TEAD1: variants seen among roughly 807,000 people sequenced by gnomAD.
TEAD1 encodes transcriptional enhancer factor TEF-1.
A neutral mutation model predicts 54.9 loss-of-function variants in TEAD1; 9 were observed. The observed-to-expected ratio is 0.16, with a 90% CI of 0.10 to 0.29. The LOEUF is 0.29. TEAD1 is among the 10% of genes least tolerant of loss of function. The pLI is 1.00. For synonymous variants in TEAD1, 200 were observed against 187.8 expected (o/e 1.07, Z -0.53); for missense variants, 387 against 535.9 (o/e 0.72, Z 2.74).
chr11:12,909,259 A>G (rs2134138921), intron 10 of TEAD1, among the ~76,000 whole-genome samples: 1 of 152,320 alleles, frequency 6.6e-6, no homozygotes, highest in Admixed American at 6.5e-5. Flanking sequence ...ACAGTTCTAA[A>G]ATTGGAATGC....
At chr11:12,702,506 C>T (rs184804039) in intron 2 of TEAD1, among the ~76,000 whole-genome samples, 10 of 152,216 alleles carry the variant, frequency 6.6e-5, no homozygotes, top group East Asian at 1.9e-4. Flanking sequence ...GAATCGTTAG[C>T]CCCATTTTAG....
chr11:12,741,999 C>G (rs1015945674), intron 2 of TEAD1, among the ~76,000 whole-genome samples: 3 of 152,178 alleles, frequency 2.0e-5, no homozygotes, highest in African/African-American at 4.8e-5. Flanking sequence ...CCACAAGCAC[C>G]TGATACAGAG....
chr11:12,858,923 G>C (rs1001580155), intron 3 of TEAD1, among the ~76,000 whole-genome samples: 1 of 152,204 alleles, frequency 6.6e-6, no homozygotes, highest in African/African-American at 2.4e-5. Flanking sequence ...CTGCAAACCT[G>C]TCTGGTGTTA....
At chr11:12,692,676 C>T (rs751452271) in intron 2 of TEAD1, among the ~76,000 whole-genome samples, 3 of 152,164 alleles carry the variant, frequency 2.0e-5, no homozygotes, top group Admixed American at 2.0e-4. Flanking sequence ...CTGTGCCCCG[C>T]GGTAAACTCA....
chr11:12,877,975 TG>T (rs368876752), intron 5 of TEAD1, among the ~76,000 whole-genome samples: 10 of 143,902 alleles, frequency 6.9e-5, no homozygotes, highest in Admixed American at 5.4e-4. Flanking sequence ...TTTTTTTTTT[TG>T]TGTGTGTGTG....
intron 3 of TEAD1, among the ~76,000 whole-genome samples, chr11:12,770,872 A>T (rs181196663): frequency 6.6e-6 from 1 of 152,370 alleles, no homozygotes; most frequent in Admixed American, 6.5e-5. Context: ...TGAGACAGAC[A>T]GACTTAGCTA....
intron 3 of TEAD1, chr11:12,851,227 AC>A: frequency 2.8e-6 from 1 of 362,690 alleles, no homozygotes; most frequent in Non-Finnish European, 3.8e-6. Flanking sequence ...AACAGAGGAT[AC>A]TAAGAACCAG....
chr11:12,898,129 A>G lies in TEAD1; in HGVS notation c.700-3811A>G, dbSNP rs1161751092. On this transcript the variant is annotated intron_variant, in intron 9 of 12. Transcript: ENST00000527636. ...TTGCTCACAGCGCCCAGTGGACACA[A>G]GGTCTCTTCCTTCCTTCCTTCAGGC... 3.3e-5 allele frequency among the ~76,000 whole-genome samples: 5 copies of G among 152,160 alleles called. No homozygotes were observed. The East Asian group carries it at 9.7e-4, about 29-fold the overall frequency.
At chr11:12,716,338 G>T (rs1010887663) in intron 2 of TEAD1, among the ~76,000 whole-genome samples, 41 of 152,206 alleles carry the variant, frequency 2.7e-4, no homozygotes, top group African/African-American at 9.1e-4. Context: ...GAGTTCACGG[G>T]GGGGTTCCTG....
At chr11:12,703,046 G>A (rs1943736143) in intron 2 of TEAD1, among the ~76,000 whole-genome samples, 1 of 152,152 alleles carries the variant, frequency 6.6e-6, no homozygotes, top group Admixed American at 6.5e-5. Flanking sequence ...CTTGTTCTGA[G>A]CCACTACATC....
intron 3 of TEAD1, among the ~76,000 whole-genome samples, chr11:12,824,121 G>A (rs953915743): frequency 4.6e-5 from 7 of 152,298 alleles, no homozygotes; most frequent in African/African-American, 1.7e-4. Context: ...CCTTGAGGAA[G>A]TCATTTTTCA....
intron 3 of TEAD1, among the ~76,000 whole-genome samples, chr11:12,786,477 C>T (rs1175749213): frequency 2.0e-5 from 3 of 152,082 alleles, no homozygotes; most frequent in East Asian, 1.9e-4. Context: ...AATAGAAGTA[C>T]GGGAGGCCCA....
intron 5 of TEAD1, among the ~76,000 whole-genome samples, chr11:12,874,274 A>ATTATCTGAG (rs1369328759): frequency 6.6e-6 from 1 of 152,246 alleles, no homozygotes; most frequent in African/African-American, 2.4e-5. Context: ...AGAATAATCA[A>ATTATCTGAG]AAGCTGAGAA....
chr11:12,859,049 A>G (rs1223719243), intron 3 of TEAD1, among the ~76,000 whole-genome samples: 4 of 152,198 alleles, frequency 2.6e-5, no homozygotes, highest in Admixed American at 6.5e-5. Flanking sequence ...TGGGACCACC[A>G]TCATGTATGC....
At chr11:12,712,381 T>TA (rs1210146785) in intron 2 of TEAD1, among the ~76,000 whole-genome samples, 4 of 152,206 alleles carry the variant, frequency 2.6e-5, no homozygotes, top group African/African-American at 9.6e-5. Flanking sequence ...TATGTGCACC[T>TA]ACACAGCTTC....
chr11:12,736,944 A>G (rs879103247), intron 2 of TEAD1, among the ~76,000 whole-genome samples: 1 of 152,172 alleles, frequency 6.6e-6, no homozygotes, highest in Non-Finnish European at 1.5e-5. Context: ...GTGTTAGAAC[A>G]TTTGTATCTA....
intron 9 of TEAD1, among the ~76,000 whole-genome samples, chr11:12,901,065 C>T (rs751489291): frequency 1.3e-5 from 2 of 152,178 alleles, no homozygotes; most frequent in African/African-American, 2.4e-5. Flanking sequence ...TTTGGCCTCT[C>T]TCAGGGATTC....
intron 2 of TEAD1, among the ~76,000 whole-genome samples, chr11:12,725,845 C>T (rs757821493): frequency 4.6e-5 from 7 of 152,088 alleles, no homozygotes; most frequent in East Asian, 3.8e-4. Flanking sequence ...TCCTGTCACC[C>T]GGGTGTAAGC....
chr11:12,721,265 C>A (rs757746732), intron 2 of TEAD1, among the ~76,000 whole-genome samples: 1 of 152,204 alleles, frequency 6.6e-6, no homozygotes, highest in Non-Finnish European at 1.5e-5. Context: ...CTTGTTCCCT[C>A]CCCTGTAGGA....
Sources: gnomAD v4.1 joint callset for allele counts (sites outside exome capture counted in the v4.1 genomes callset) on GRCh38, gnomAD v4.1.1 for gene constraint, MANE v1.5 for transcripts, NCBI Gene and HGNC (gene_info 2026-07-23, HGNC 2026-07-21) for gene names.